LRRC37A2: variants seen among roughly 807,000 people sequenced by gnomAD.
The protein encoded by LRRC37A2 is leucine-rich repeat-containing protein 37A2.
Under a neutral mutation model 68.8 loss-of-function variants are expected in LRRC37A2, and 9 were observed. That is an observed-to-expected ratio of 0.13 (90% CI 0.08 to 0.23). LRRC37A2 has a LOEUF of 0.23. Among genes scored for constraint, LRRC37A2 ranks in the 10% least tolerant of loss-of-function variants. LRRC37A2 has a pLI of 1.00. For synonymous variants in LRRC37A2, 63 were observed against 367.6 expected (o/e 0.17, Z 9.48); for missense variants, 168 against 950.4 (o/e 0.18, Z 10.82).
the LRRC37A2 span, among the ~76,000 whole-genome samples, chr17:46,850,889 G>A: frequency 1.3e-5 from 2 of 152,204 alleles, no homozygotes; most frequent in Non-Finnish European, 2.9e-5. Context: ...TTTCTGCGCT[G>A]GGGAACATCA....
chr17:47,027,477 A>G, the LRRC37A2 span: 1 of 735,310 alleles, frequency 1.4e-6, no homozygotes. Context: ...ATCCAATATT[A>G]TTCTAAACTC....
the LRRC37A2 span, among the ~76,000 whole-genome samples, chr17:46,943,031 CCT>C: frequency 1.4e-3 from 207 of 152,284 alleles, no homozygotes; most frequent in African/African-American, 4.7e-3. Flanking sequence ...TTCCATTCAC[CCT>C]CTTATTAATT....
At chr17:47,047,848 C>A in the LRRC37A2 span, among the ~76,000 whole-genome samples, 1 of 151,140 alleles carries the variant, frequency 6.6e-6, no homozygotes, top group African/African-American at 2.5e-5. Flanking sequence ...AATCTCAAAC[C>A]TTTCTGTTCA....
chr17:46,845,214 A>T, the LRRC37A2 span, among the ~76,000 whole-genome samples: 2 of 151,908 alleles, frequency 1.3e-5, no homozygotes, highest in Non-Finnish European at 2.9e-5. Flanking sequence ...TCTGTTGTAA[A>T]ACACCCCAAC....
chr17:46,931,987 T>C, the LRRC37A2 span: 1 of 1,267,582 alleles, frequency 7.9e-7, no homozygotes. Flanking sequence ...ACGCCGTCTT[T>C]CCTCAGTACA....
the LRRC37A2 span, chr17:46,704,821 C>T: frequency 6.2e-7 from 1 of 1,606,938 alleles, no homozygotes; most frequent in Middle Eastern, 1.7e-4. Context: ...CGAGAGGAGA[C>T]TTCCTTGCTT....
the LRRC37A2 span, among the ~76,000 whole-genome samples, chr17:46,969,944 C>G: frequency 6.6e-6 from 1 of 152,120 alleles, no homozygotes; most frequent in African/African-American, 2.4e-5. Flanking sequence ...TGGTGATGTG[C>G]GGGGTGGGGG....
chr17:46,987,072 G>A, the LRRC37A2 span, among the ~76,000 whole-genome samples: 24 of 152,178 alleles, frequency 1.6e-4, no homozygotes, highest in Admixed American at 4.6e-4. Context: ...ACGGTGGCCC[G>A]TCTCTACTAA....
the LRRC37A2 span, among the ~76,000 whole-genome samples, chr17:46,854,096 A>G: frequency 6.6e-6 from 1 of 152,170 alleles, no homozygotes; most frequent in Non-Finnish European, 1.5e-5. Flanking sequence ...CACCACCCCA[A>G]TCTGGGGAGC....
At chr17:46,525,620 C>T (rs55904620) in intron 6 of LRRC37A2, among the ~76,000 whole-genome samples, 9 of 107,046 alleles carry the variant, frequency 8.4e-5, no homozygotes, top group African/African-American at 2.5e-4. Context: ...TAATAATCAT[C>T]ATCATCATCA....
chr17:46,478,370 CTT>C, the LRRC37A2 span, among the ~76,000 whole-genome samples: 1 of 76,122 alleles, frequency 1.3e-5, no homozygotes, highest in Non-Finnish European at 3.2e-5. Context: ...AACATCTCTG[CTT>C]TGGTTTTGTT....
chr17:46,791,279 TCTC>T, the LRRC37A2 span, among the ~76,000 whole-genome samples: 1 of 151,948 alleles, frequency 6.6e-6, no homozygotes, highest in Admixed American at 6.6e-5. Flanking sequence ...AGTGGCGTGA[TCTC>T]AGCTCACTGC....
the LRRC37A2 span, chr17:46,773,622 C>G: frequency 4.5e-5 from 23 of 506,094 alleles, no homozygotes; most frequent in African/African-American, 4.3e-4. Context: ...GTCCTGATCC[C>G]TCCCCCCACC....
chr17:46,532,289 T>C (rs573706907), intron 6 of LRRC37A2, among the ~76,000 whole-genome samples: 6 of 150,162 alleles, frequency 4.0e-5, no homozygotes, highest in Non-Finnish European at 5.9e-5. Context: ...ATCTGCTTCA[T>C]GTTTACAGAA....
the LRRC37A2 span, among the ~76,000 whole-genome samples, chr17:46,970,699 G>A: frequency 6.6e-6 from 1 of 152,206 alleles, no homozygotes; most frequent in Admixed American, 6.5e-5. Flanking sequence ...CGGGGGCTCA[G>A]AGACCCGGAA....
chr17:46,901,801 GA>G, the LRRC37A2 span, among the ~76,000 whole-genome samples: 1 of 134,396 alleles, frequency 7.4e-6, no homozygotes, highest in Non-Finnish European at 1.5e-5. Context: ...AATGGAGCAA[GA>G]ATTTTTTTTT....
At chr17:47,009,608 C>T in the LRRC37A2 span, among the ~76,000 whole-genome samples, 2 of 152,210 alleles carry the variant, frequency 1.3e-5, no homozygotes, top group Non-Finnish European at 2.9e-5. Context: ...TCTACAGAGA[C>T]GCATTCATTC....
chr17:46,832,801 G>T, the LRRC37A2 span: 1 of 153,238 alleles, frequency 6.5e-6, no homozygotes, highest in East Asian at 1.9e-4. Context: ...GGCTGGCAGG[G>T]CAGGGAGATC....
At chr17:46,715,112 G>A in the LRRC37A2 span, among the ~76,000 whole-genome samples, 2 of 152,178 alleles carry the variant, frequency 1.3e-5, no homozygotes, top group African/African-American at 2.4e-5. Context: ...GGAGGAAGCC[G>A]AACTTGTAGC....
Sources: gnomAD v4.1 joint callset for allele counts (sites outside exome capture counted in the v4.1 genomes callset) on GRCh38, gnomAD v4.1.1 for gene constraint, MANE v1.5 for transcripts, NCBI Gene and HGNC (gene_info 2026-07-23, HGNC 2026-07-21) for gene names.